Variants in RABGAP1L observed in about 807,000 individuals in gnomAD.
RABGAP1L encodes the protein RAB GTPase activating protein 1 like, also known as rab GTPase-activating protein 1-like.
RABGAP1L carries 63 observed loss-of-function variants against 137.7 expected under a neutral mutation model. The ratio of observed to expected loss-of-function variants is 0.46; its 90% CI spans 0.37 to 0.56. The LOEUF is 0.56. Ranked by LOEUF, RABGAP1L falls within the 20% of genes least tolerant of loss-of-function variation. RABGAP1L has a pLI of 0.00. For synonymous variants in RABGAP1L, 431 were observed against 433.7 expected (o/e 0.99, Z 0.08); for missense variants, 1,095 against 1,244.0 (o/e 0.88, Z 1.80).
At chr1:174,654,007 G>A (rs1675771899) in intron 14 of RABGAP1L, among the ~76,000 whole-genome samples, 1 of 152,156 alleles carries the variant, frequency 6.6e-6, no homozygotes, top group African/African-American at 2.4e-5. Context: ...GGAAGGAGCT[G>A]GGAGAGTCTC....
At chr1:174,369,505 T>C (rs1443190438) in intron 11 of RABGAP1L, among the ~76,000 whole-genome samples, 1 of 152,174 alleles carries the variant, frequency 6.6e-6, no homozygotes, top group Non-Finnish European at 1.5e-5. Context: ...TTAATAGTCC[T>C]CTTTCACTAT....
intron 13 of RABGAP1L, chr1:174,544,890 G>A (rs1378142068): frequency 1.0e-5 from 2 of 200,914 alleles, no homozygotes; most frequent in Admixed American, 1.0e-4. Context: ...TGTTTGCCTG[G>A]GTATCACCAG....
intron 18 of RABGAP1L, among the ~76,000 whole-genome samples, chr1:174,777,623 C>T (rs1017151375): frequency 4.6e-5 from 7 of 151,950 alleles, no homozygotes; most frequent in Non-Finnish European, 7.4e-5. Context: ...TTATAATTGG[C>T]AGACAAAAAC....
In RABGAP1L at chr1:174,327,137, G is replaced by A. The variant is rs941481169; in HGVS notation, c.1465+22010G>A. Among the ~76,000 whole-genome samples the A allele has an allele frequency of 3.3e-5, 5 of 152,190 alleles. No individual in the cohort carries two copies. In the South Asian group the frequency reaches 1.0e-3, roughly 32 times the overall value. ...AAATCTGAAGATATAAAACCCACAG[G>A]AAAAAGTAAGTGTCCAGGCAAATTC... On this transcript the variant is annotated intron_variant, in intron 11 of 25. Transcript: ENST00000681986.
chr1:174,377,798 A>G (rs1048552341), intron 12 of RABGAP1L, among the ~76,000 whole-genome samples: 2 of 145,778 alleles, frequency 1.4e-5, no homozygotes, highest in Non-Finnish European at 3.0e-5. Flanking sequence ...ATTATTTTTT[A>G]TTATACTTTA....
At chr1:174,534,422 G>A (rs1428932758) in intron 13 of RABGAP1L, among the ~76,000 whole-genome samples, 1 of 151,950 alleles carries the variant, frequency 6.6e-6, no homozygotes. Context: ...ATGTACCTAT[G>A]ATGGTTTAAT....
At chr1:174,900,975 G>A (rs1387645725) in intron 19 of RABGAP1L, among the ~76,000 whole-genome samples, 1 of 152,020 alleles carries the variant, frequency 6.6e-6, no homozygotes, top group African/African-American at 2.4e-5. Context: ...ATATTTCTCG[G>A]AGGTTTTGTT....
chr1:174,160,280 C>T (rs1359109496), intron 1 of RABGAP1L, among the ~76,000 whole-genome samples: 1 of 152,198 alleles, frequency 6.6e-6, no homozygotes, highest in Non-Finnish European at 1.5e-5. Flanking sequence ...CCCCCCAACC[C>T]CCACCCACCT....
At chr1:174,935,935 T>G (rs573389362) in intron 19 of RABGAP1L, among the ~76,000 whole-genome samples, 3 of 137,480 alleles carry the variant, frequency 2.2e-5, no homozygotes, top group Admixed American at 8.4e-5. Context: ...GAGCCAAGAT[T>G]GCACCATTGC....
chr1:174,968,792 T>C (rs896044321), intron 20 of RABGAP1L, among the ~76,000 whole-genome samples: 1 of 152,192 alleles, frequency 6.6e-6, no homozygotes, highest in African/African-American at 2.4e-5. Flanking sequence ...GATTCTTGAT[T>C]TAGAGCTCTT....
intron 14 of RABGAP1L, among the ~76,000 whole-genome samples, chr1:174,678,359 T>A (rs2148466648): frequency 6.6e-6 from 1 of 152,222 alleles, no homozygotes; most frequent in Non-Finnish European, 1.5e-5. Context: ...CTGACACACT[T>A]GTTTTATAAG....
intron 1 of RABGAP1L, among the ~76,000 whole-genome samples, chr1:174,190,606 T>C (rs2148335370): frequency 6.6e-6 from 1 of 152,338 alleles, no homozygotes; most frequent in African/African-American, 2.4e-5. Flanking sequence ...GTTGGTTTGA[T>C]ATTCTATCCA....
intron 14 of RABGAP1L, among the ~76,000 whole-genome samples, chr1:174,649,749 T>G (rs894004842): frequency 1.7e-4 from 26 of 152,010 alleles, no homozygotes; most frequent in African/African-American, 4.6e-4. Flanking sequence ...AGACAATGGG[T>G]TTTTCTAGAT....
chr1:174,777,428 G>A (rs1265936777), intron 18 of RABGAP1L, among the ~76,000 whole-genome samples: 12 of 152,160 alleles, frequency 7.9e-5, no homozygotes, highest in Non-Finnish European at 1.0e-4. Context: ...ATGCCCATAG[G>A]ACATGCTCAG....
intron 18 of RABGAP1L, among the ~76,000 whole-genome samples, chr1:174,764,215 A>C (rs985311558): frequency 1.3e-5 from 2 of 152,234 alleles, no homozygotes; most frequent in Non-Finnish European, 2.9e-5. Context: ...TAATCAGTTA[A>C]TAAACATTTC....
chr1:174,757,826 C>G (rs1208642234), intron 18 of RABGAP1L, among the ~76,000 whole-genome samples: 1 of 151,852 alleles, frequency 6.6e-6, no homozygotes, highest in African/African-American at 2.4e-5. Context: ...GGGTTCGAGA[C>G]CAGCCTGGCC....
intron 19 of RABGAP1L, among the ~76,000 whole-genome samples, chr1:174,854,776 T>A (rs1649011586): frequency 7.8e-6 from 1 of 128,778 alleles, no homozygotes; most frequent in Non-Finnish European, 1.6e-5. Flanking sequence ...GTTGTCTCAC[T>A]CTGTCACCCA....
At chr1:174,630,004 C>T (rs976774004) in intron 13 of RABGAP1L, among the ~76,000 whole-genome samples, 13 of 151,478 alleles carry the variant, frequency 8.6e-5, no homozygotes, top group Admixed American at 2.0e-4. Context: ...AGTTTTTGCC[C>T]ATTCAGTATG....
At chr1:174,655,633 G>A (rs1426593879) in intron 14 of RABGAP1L, among the ~76,000 whole-genome samples, 5 of 152,120 alleles carry the variant, frequency 3.3e-5, no homozygotes, top group Non-Finnish European at 5.9e-5. Flanking sequence ...GGTATTTTGT[G>A]TAGAGATACT....
Sources: gnomAD v4.1 joint callset for allele counts (sites outside exome capture counted in the v4.1 genomes callset) on GRCh38, gnomAD v4.1.1 for gene constraint, MANE v1.5 for transcripts, NCBI Gene and HGNC (gene_info 2026-07-23, HGNC 2026-07-21) for gene names.